The following DENND1A variants were observed in gnomAD, a reference collection of about 807,000 sequenced individuals.
The protein encoded by DENND1A is DENN domain-containing protein 1A.
Under a neutral mutation model 113.7 loss-of-function variants are expected in DENND1A, and 51 were observed. The ratio of observed to expected loss-of-function variants is 0.45; its 90% confidence interval spans 0.36 to 0.57. DENND1A has a LOEUF of 0.57. Ranked by LOEUF, DENND1A falls within the 20% of genes least tolerant of loss-of-function variation. The pLI is 0.00. For synonymous variants in DENND1A, 565 were observed against 570.8 expected (o/e 0.99, Z 0.14); for missense variants, 1,258 against 1,395.9 (o/e 0.90, Z 1.57).
At chr9:123,748,143 G>C (rs1359011758) in intron 5 of DENND1A, among the ~76,000 whole-genome samples, 1 of 152,096 alleles carries the variant, frequency 6.6e-6, no homozygotes, top group Non-Finnish European at 1.5e-5. Context: ...AAATTATGTA[G>C]TTAAAAACAC....
At chr9:123,499,364 C>T (rs1222421248) in intron 13 of DENND1A, among the ~76,000 whole-genome samples, 1 of 152,218 alleles carries the variant, frequency 6.6e-6, no homozygotes, top group East Asian at 1.9e-4. Context: ...TACTTGATTT[C>T]CTCATCTGAA....
chr9:123,401,463 C>T lies in DENND1A; in HGVS notation c.1631+1939G>A, dbSNP rs147985245. 5 of 1,137,470 alleles carry T rather than the reference C, an allele frequency of 4.4e-6. No homozygotes were observed. The East Asian group carries it at 1.6e-4, about 36-fold the overall frequency. The allele number at this position is 1,137,470 out of a possible 1,614,324, so 70.5% of individuals were successfully genotyped here. A position where few individuals can be genotyped will look rare whatever the true frequency, so the allele number is the denominator to read the frequency against. On this transcript the variant is annotated intron_variant, in intron 21 of 23. Coordinates refer to ENST00000394215, the MANE Select transcript of DENND1A (RefSeq NM_001352964.2). ...TCGTTAAACAAACGTGAACAGAAAC[C>T]CTTGGAATGATGTCCTGAAACGTAC...
chr9:123,548,963 A>G (rs991484518), intron 13 of DENND1A, among the ~76,000 whole-genome samples: 1 of 152,252 alleles, frequency 6.6e-6, no homozygotes, highest in Non-Finnish European at 1.5e-5. Flanking sequence ...GTTGGGAGTG[A>G]TGAAAAATGT....
intron 19 of DENND1A, chr9:123,413,735 C>G: frequency 2.0e-6 from 2 of 985,500 alleles, no homozygotes; most frequent in South Asian, 4.7e-5. Flanking sequence ...GACAGCTACC[C>G]GGGAGTTGGG....
intron 8 of DENND1A, among the ~76,000 whole-genome samples, chr9:123,656,877 G>C (rs966137174): frequency 1.3e-5 from 2 of 152,218 alleles, no homozygotes; most frequent in Non-Finnish European, 2.9e-5. Flanking sequence ...GGTTTTCTTA[G>C]TGCCAGTAAG....
intron 1 of DENND1A, among the ~76,000 whole-genome samples, chr9:123,894,004 C>T (rs906382359): frequency 5.9e-5 from 9 of 152,198 alleles, no homozygotes; most frequent in African/African-American, 2.2e-4. Context: ...TCTCTCCACA[C>T]CGTCACAAAA....
At chr9:123,731,820 T>C (rs770024714) in intron 5 of DENND1A, among the ~76,000 whole-genome samples, 18 of 152,084 alleles carry the variant, frequency 1.2e-4, no homozygotes, top group Admixed American at 2.0e-4. Flanking sequence ...GATTTGCAAA[T>C]CATATATCTG....
intron 9 of DENND1A, among the ~76,000 whole-genome samples, chr9:123,645,037 T>G (rs995513827): frequency 3.3e-5 from 5 of 152,214 alleles, no homozygotes; most frequent in African/African-American, 1.2e-4. Flanking sequence ...AAGATTTAGT[T>G]AAGCCTTCCC....
rs111438616 is a variant in DENND1A, at chr9:123,794,829, A to C, written c.89-2199T>G. Among the ~76,000 whole-genome samples the C allele has an allele frequency of 2.0e-5, 3 of 152,332 alleles. 1 individual carries two copies. The highest frequency in any genetic ancestry group is 7.2e-5 in the African/African-American group (3 of 41,578). On this transcript the variant is annotated intron_variant, in intron 2 of 23. Transcript: ENST00000394215. Reference sequence around the variant, plus strand: ...GAAAAAAGCATGGGAAAATTAATGAAAAGAAAAAAAATCAACCTATCTTAA... The same window carrying C: ...GAAAAAAGCATGGGAAAATTAATGACAAGAAAAAAAATCAACCTATCTTAA...
At chr9:123,487,578 T>C (rs1032259968) in intron 13 of DENND1A, among the ~76,000 whole-genome samples, 4 of 152,218 alleles carry the variant, frequency 2.6e-5, no homozygotes, top group Non-Finnish European at 5.9e-5. Flanking sequence ...GACACTTTCT[T>C]GTCCCACATG....
Position 123,440,264 on chromosome 9 carries a change from C to G in DENND1A, c.1488+96G>C. The G allele has an allele frequency of 2.9e-6, 4 of 1,383,988 alleles. No homozygotes were observed. The African/African-American group carries it at 4.5e-5, about 16-fold the overall frequency. 85.7% of individuals were successfully genotyped at this position (1,383,988 alleles called of 1,614,324 possible). On this transcript the variant is annotated intron_variant, in intron 19 of 23. Coordinates refer to ENST00000394215, the MANE Select transcript of DENND1A (RefSeq NM_001352964.2). ...CATGGAGCTGCACTGCCAAAGAGAACTGAAATGAAAAACCGTCTGCTGCAT... is the reference window on the plus strand; with the variant it reads ...CATGGAGCTGCACTGCCAAAGAGAAGTGAAATGAAAAACCGTCTGCTGCAT...
At chr9:123,811,700 A>C (rs1471865534) in intron 2 of DENND1A, among the ~76,000 whole-genome samples, 1 of 152,256 alleles carries the variant, frequency 6.6e-6, no homozygotes, top group Non-Finnish European at 1.5e-5. Context: ...CGGAGCTTGC[A>C]GTGAGCGGAG....
chr9:123,827,392 A>ATATAT (rs1564348811), intron 2 of DENND1A, among the ~76,000 whole-genome samples: 16 of 140,788 alleles, frequency 1.1e-4, no homozygotes, highest in Admixed American at 5.7e-4. Context: ...ATGGATATAT[A>ATATAT]ATATATATAT....
At position 123,627,319 on chromosome 9, in the gene DENND1A, T is replaced by A. The variant is rs74326519; in HGVS notation, c.719+3057A>T. ...CCCAGGAGCAGTTCTGGCCTGTCTA[T>A]GGGCCTGTGTCTTCGACACCCAATT... is the stretch of plus-strand genomic sequence containing the variant. On this transcript the variant is annotated intron_variant, in intron 10 of 23. Transcript: ENST00000394215. 3.7e-3 allele frequency among the ~76,000 whole-genome samples: 562 copies of A among 152,354 alleles called. 3 individuals carry two copies. Among genetic ancestry groups the A allele is most frequent in the African/African-American group, 0.013 (533 of 41,576 alleles).
intron 2 of DENND1A, among the ~76,000 whole-genome samples, chr9:123,804,104 T>C (rs80114624): frequency 0.077 from 11,727 of 152,246 alleles, 908 homozygotes; most frequent in African/African-American, 0.2. Flanking sequence ...TGGAAGGTGA[T>C]TGAATTATAA....
chr9:123,495,141 T>TTCTCTCTCTCTCTCCCTCTC (rs2051768859), intron 13 of DENND1A, among the ~76,000 whole-genome samples: 1 of 140,560 alleles, frequency 7.1e-6, no homozygotes, highest in Non-Finnish European at 1.5e-5. Context: ...CATTGTCTCT[T>TTCTCTCTCTCTCTCCCTCTC]TCTCTCTCTC....
intron 13 of DENND1A, among the ~76,000 whole-genome samples, chr9:123,521,360 G>T (rs1039891952): frequency 6.6e-6 from 1 of 152,136 alleles, no homozygotes; most frequent in Non-Finnish European, 1.5e-5. Context: ...GGGCTTGAGA[G>T]TCCAATTTGG....
At chr9:123,509,953 C>T (rs571178760) in intron 13 of DENND1A, among the ~76,000 whole-genome samples, 1 of 152,340 alleles carries the variant, frequency 6.6e-6, no homozygotes, top group South Asian at 2.1e-4. Context: ...GATGAACCTA[C>T]CTGTAAGGTG....
intron 12 of DENND1A, among the ~76,000 whole-genome samples, chr9:123,578,447 A>C (rs1362459357): frequency 6.6e-6 from 1 of 152,220 alleles, no homozygotes; most frequent in Non-Finnish European, 1.5e-5. Flanking sequence ...TGGCGCAATC[A>C]CAGCTCACTG....
Sources: allele counts gnomAD v4.1 joint callset (sites outside exome capture counted in the v4.1 genomes callset), GRCh38; gene constraint gnomAD v4.1.1; transcripts MANE v1.5; gene names NCBI Gene and HGNC (gene_info 2026-07-23, HGNC 2026-07-21).